Variants in SNURF observed in about 807,000 individuals in gnomAD.
SNURF encodes the protein SNRPN upstream open reading frame.
In SNURF, 6 loss-of-function variants were observed where a neutral mutation model predicts 11.6. That is an observed-to-expected ratio of 0.52 (90% confidence interval 0.28 to 1.02). The LOEUF (loss-of-function observed/expected upper bound fraction) is 1.02, where lower values mean the gene tolerates loss of function less well. Among genes scored for constraint, SNURF ranks in the 50% least tolerant of loss-of-function variants. SNURF has a pLI of 0.09. For missense variants in SNURF, 84 were observed against 88.4 expected (o/e 0.95, Z 0.20); for synonymous variants, 29 against 31.6 (o/e 0.92, Z 0.27).
chr15:24,967,914 A>G lies in SNURF; in HGVS notation c.111-18A>G, dbSNP rs1201343820. ...AAATGTATTTTTATCATTTATATAT[A>G]TTGTGCTCTTGTTGTAGGTGTCAGT... is the stretch of plus-strand genomic sequence containing the variant. On this transcript the variant is annotated intron_variant, in intron 2 of 2. Transcript: ENST00000577949. 1 of 1,600,840 alleles carries G rather than the reference A, an allele frequency of 6.2e-7. No homozygotes were observed. Among genetic ancestry groups the G allele is most frequent in the South Asian group, 1.1e-5 (1 of 90,822 alleles).
chr15:24,965,694 A>G lies in SNURF; in HGVS notation c.111-2238A>G, dbSNP rs192362067. ...ATTGGAGCTGGAGAGTTGTCTTAAT[A>G]TATTTTATGCTAAGCTTCACATGTC... On this transcript the variant is annotated intron_variant, in intron 2 of 2. Coordinates refer to ENST00000577949, the Ensembl canonical transcript of SNURF. Among the ~76,000 whole-genome samples, 8 of 152,274 alleles carry G rather than the reference A, an allele frequency of 5.3e-5. No individual in the cohort carries two copies. The Middle Eastern group carries it at 0.01, about 194-fold the overall frequency.
rs151175390 is a variant in SNURF, at chr15:24,963,547, G to A, written c.110+1338G>A. On this transcript the variant is annotated intron_variant, in intron 2 of 2. Transcript: ENST00000577949. ...GGAGAATTGTTTGAGCCCAGGAGACGGAGGTTGCAATGAGCTAAGATGGCA... is the reference window on the plus strand; with the variant it reads ...GGAGAATTGTTTGAGCCCAGGAGACAGAGGTTGCAATGAGCTAAGATGGCA... Among the ~76,000 whole-genome samples the A allele has an allele frequency of 9.2e-5, 14 of 151,814 alleles. No individual in the cohort carries two copies. In the South Asian group the frequency reaches 2.3e-3, roughly 25 times the overall value.
intron 1 of SNURF, among the ~76,000 whole-genome samples, chr15:24,959,445 C>T (rs769219574): frequency 6.6e-6 from 1 of 151,918 alleles, no homozygotes; most frequent in Non-Finnish European, 1.5e-5. Flanking sequence ...ATTGAGACCC[C>T]GTCTCTACAT....
At chr15:24,976,259 G>T (rs749915726) in intron 4 of SNURF, 1 of 1,375,168 alleles carries the variant, frequency 7.3e-7, no homozygotes, top group South Asian at 1.2e-5. Context: ...TGATGAGTGA[G>T]TGATCACTAA....
intron 6 of SNURF, chr15:24,977,746 C>T (rs762451650): frequency 1.9e-5 from 30 of 1,550,672 alleles, no homozygotes; most frequent in Middle Eastern, 1.7e-4. Context: ...AGGTTTGCAT[C>T]GCTTTGACTG....
At chr15:24,975,292 A>G (rs2076939522) in intron 3 of SNURF, 3 of 1,293,508 alleles carry the variant, frequency 2.3e-6, no homozygotes, top group Non-Finnish European at 3.3e-6. Context: ...TGGAGAAGAA[A>G]CAGGAGAAGA....
intron 2 of SNURF, among the ~76,000 whole-genome samples, chr15:24,965,877 T>C (rs1394039657): frequency 6.6e-6 from 1 of 152,202 alleles, no homozygotes; most frequent in Non-Finnish European, 1.5e-5. Flanking sequence ...ATATATTTTT[T>C]TTTACTGAAA....
chr15:24,978,392 C>G (rs751048226), downstream of SNURF: 61 of 1,613,954 alleles, frequency 3.8e-5, no homozygotes, highest in South Asian at 6.5e-4. Flanking sequence ...CTCAATGTTT[C>G]TATTTCCTTT....
chr15:24,960,345 G>T lies in SNURF; in HGVS notation c.15-1769G>T, dbSNP rs548436376. Among the ~76,000 whole-genome samples the T allele has an allele frequency of 4.3e-4, 65 of 152,140 alleles. No homozygotes were observed. In the South Asian group the frequency reaches 5.4e-3, roughly 13 times the overall value. On this transcript the variant is annotated intron_variant, in intron 1 of 2. Transcript: ENST00000577949. ...GTCAGATGGTGGCATTTCAGTGGGG[G>T]TTTTTTCATTTTGAGGCAGGGTCTG... is the stretch of plus-strand genomic sequence containing the variant.
chr15:24,972,255 C>CAAAA (rs5811371), downstream of SNURF, among the ~76,000 whole-genome samples: 1 of 108,268 alleles, frequency 9.2e-6, no homozygotes, highest in East Asian at 2.5e-4. Flanking sequence ...GACTCTGTCT[C>CAAAA]AAAAAAAAAA....
At chr15:24,958,306 C>T (rs1231279832) in intron 1 of SNURF, among the ~76,000 whole-genome samples, 1 of 151,570 alleles carries the variant, frequency 6.6e-6, no homozygotes, top group East Asian at 1.9e-4. Context: ...ATCATTTAAG[C>T]AGGTTGTGAG....
intron 3 of SNURF, chr15:24,974,225 TG>T (rs1253105095): frequency 1.8e-6 from 1 of 561,614 alleles, no homozygotes; most frequent in Non-Finnish European, 3.2e-6. Context: ...TGAACGTGTC[TG>T]TCATAGTGAT....
At chr15:24,968,448 G>T, downstream of SNURF, 1 of 170,160 alleles carries the variant, frequency 5.9e-6, no homozygotes, top group Non-Finnish European at 1.3e-5. Flanking sequence ...AGCTTTAGTA[G>T]ATAGCTTTGT....
chr15:24,956,768 G>A (rs888720307), intron 1 of SNURF, among the ~76,000 whole-genome samples: 3 of 152,144 alleles, frequency 2.0e-5, no homozygotes, highest in Admixed American at 6.5e-5. Context: ...CCTTACCCAC[G>A]GTGCAGCAGT....
chr15:24,967,498 C>G (rs528098169), intron 2 of SNURF, among the ~76,000 whole-genome samples: 2 of 151,874 alleles, frequency 1.3e-5, no homozygotes, highest in African/African-American at 4.8e-5. Flanking sequence ...AAAAATTAGC[C>G]GAGAGTGGTG....
intron 1 of SNURF, among the ~76,000 whole-genome samples, chr15:24,958,486 G>GTTTTTTTTTTT (rs71127030): frequency 3.1e-5 from 2 of 65,298 alleles, no homozygotes; most frequent in Admixed American, 2.8e-4. Flanking sequence ...CTGGCTCAAA[G>GTTTTTTTTTTT]TTTTTTTTTT....
rs1313546826 is a variant in SNURF at position 24,962,107 on chromosome 15, G to A, written c.15-7G>A. The A allele has an allele frequency of 8.7e-6, 14 of 1,613,664 alleles. 1 individual carries two copies. The highest frequency in any genetic ancestry group is 1.7e-4 in the Middle Eastern group (1 of 6,060). On this transcript the variant is annotated splice_region_variant and splice_polypyrimidine_tract_variant and intron_variant, in intron 1 of 2. Coordinates refer to ENST00000577949, the Ensembl canonical transcript of SNURF. ...TACCAAACAAATGCCTCTCTTTTCT[G>A]TTTCAGGGATCGCTTACACCTGAGA...
At position 24,958,334 on chromosome 15, in the gene SNURF, T is replaced by G. The variant is rs1483969706; in HGVS notation, c.14+3272T>G. Among the ~76,000 whole-genome samples the G allele has an allele frequency of 5.9e-5, 9 of 151,646 alleles. No individual in the cohort carries two copies. The South Asian group carries it at 1.5e-3, about 25-fold the overall frequency. The stretch of plus-strand genomic sequence containing the variant: ...GTTGTGAGTACTGCCCTCAATTACT[T>G]GGACAATGAAGTTTTAAAAATCTTA... On this transcript the variant is annotated intron_variant, in intron 1 of 2. Transcript: ENST00000577949.
intron 1 of SNURF, among the ~76,000 whole-genome samples, chr15:24,956,014 G>A (rs1201443277): frequency 6.6e-6 from 1 of 152,058 alleles, no homozygotes; most frequent in Non-Finnish European, 1.5e-5. Context: ...TGCCTACTGT[G>A]GTGGTGGTGC....
Sources: gnomAD v4.1 joint callset for allele counts (sites outside exome capture counted in the v4.1 genomes callset) on GRCh38, gnomAD v4.1.1 for gene constraint, MANE v1.5 for transcripts, NCBI Gene and HGNC (gene_info 2026-07-23, HGNC 2026-07-21) for gene names.